Variants in MPRIP observed in about 807,000 individuals in gnomAD.
MPRIP encodes the protein myosin phosphatase Rho-interacting protein.
Under a neutral mutation model 234.9 loss-of-function variants are expected in MPRIP, and 59 were observed. The ratio of observed to expected loss-of-function variants is 0.25; its 90% CI spans 0.20 to 0.31. MPRIP has a LOEUF of 0.31. Ranked by LOEUF, MPRIP falls within the 10% of genes least tolerant of loss-of-function variation. MPRIP has a pLI of 1.00. For synonymous variants in MPRIP, 1,144 were observed against 1,263.9 expected, an observed-to-expected ratio of 0.91 and a Z score of 2.01; for missense variants, 2,436 against 3,071.0, an observed-to-expected ratio of 0.79 and a Z score of 4.89.
At position 17,150,199 on chromosome 17, in the gene MPRIP, A is replaced by G. The variant is rs747588114; in HGVS notation, c.1685A>G (p.Tyr562Cys). ...TCCGCATGTTACGATGTCACAGAGTATCCAGTTCAGAGAAACTATGGCTTC... is the reference window on the plus strand; with the variant it reads ...TCCGCATGTTACGATGTCACAGAGTGTCCAGTTCAGAGAAACTATGGCTTC... ...DLSACYDVTEYPVQRNYGFQI... is the reference protein window; with the variant it reads ...DLSACYDVTECPVQRNYGFQI... The change falls in exon 12 of 24, where the codon TAT becomes TGT. Residue 562 changes from tyrosine (Y) to cysteine (C), a missense_variant. Tyr to Cys is a radical substitution (Grantham distance 194, BLOSUM62 -2). Transcript: ENST00000651222. The G allele has an allele frequency of 6.2e-7, 1 of 1,613,798 alleles. No homozygotes were observed. The highest frequency in any genetic ancestry group is 8.5e-7 in the Non-Finnish European group (1 of 1,179,848).
intron 3 of MPRIP, among the ~76,000 whole-genome samples, chr17:17,125,810 A>C (rs1192361470): frequency 6.6e-6 from 1 of 152,134 alleles, no homozygotes; most frequent in Non-Finnish European, 1.5e-5. Flanking sequence ...GAGAACAAGG[A>C]AATGGTGGGC....
Position 17,049,954 on chromosome 17 carries a change from C to T in MPRIP, c.123+6983C>T, listed in dbSNP as rs1232239383. Among the ~76,000 whole-genome samples the T allele has an allele frequency of 5.3e-5, 8 of 152,144 alleles. No individual in the cohort carries two copies. In the East Asian group the frequency reaches 1.2e-3, roughly 22 times the overall value. On this transcript the variant is annotated intron_variant, in intron 1 of 23. Coordinates refer to ENST00000651222, the MANE Select transcript of MPRIP (RefSeq NM_001364716.4). ...CTGTAATTTCAGCACTTTGGGAGGC[C>T]GAGACGGGCGGATCACGAGGTCAGG...
intron 3 of MPRIP, among the ~76,000 whole-genome samples, chr17:17,122,393 A>G (rs1165174587): frequency 1.3e-5 from 2 of 152,142 alleles, no homozygotes; most frequent in Non-Finnish European, 2.9e-5. Flanking sequence ...TCGCTCCATC[A>G]CCCAGGCTGG....
In MPRIP at chr17:17,185,573, C is replaced by CTCCTTCCTTCCT. The variant is rs3833096; in HGVS notation, c.*692_*703dup. The CTCCTTCCTTCCT allele has an allele frequency of 6.6e-6, 3 of 455,268 alleles. No homozygotes were observed. Among genetic ancestry groups the CTCCTTCCTTCCT allele is most frequent in the South Asian group, 3.1e-5 (2 of 64,272 alleles). 28.2% of individuals were successfully genotyped at this position (455,268 alleles called of 1,614,324 possible). A position where few individuals can be genotyped will look rare whatever the true frequency, so the allele number is the denominator to read the frequency against. ...ATCTTGCACAAAATCCCCGGCCCCTCTCCTTCCTTCCTTCCTTCCTTCCTC... is the reference window on the plus strand; with the variant it reads ...ATCTTGCACAAAATCCCCGGCCCCTCTCCTTCCTTCCTTCCTTCCTTCCTTCCTTCCTTCCTC... On this transcript the variant is annotated 3_prime_UTR_variant, in exon 24 of 24. Transcript: ENST00000651222.
intron 23 of MPRIP, 82 bp from the exon 24 acceptor site, chr17:17,184,741 C>A: frequency 1.9e-6 from 2 of 1,029,772 alleles, no homozygotes; most frequent in East Asian, 2.5e-5. Flanking sequence ...GCTCCACCAG[C>A]GGTCCGGTCT....
chr17:17,130,311 C>T (rs2090570558), intron 4 of MPRIP, among the ~76,000 whole-genome samples: 1 of 151,952 alleles, frequency 6.6e-6, no homozygotes, highest in African/African-American at 2.4e-5. Context: ...TGTGACTGAC[C>T]CTTCCTTTGT....
At chr17:17,174,839 G>T (rs11652079) in intron 19 of MPRIP, among the ~76,000 whole-genome samples, 13,251 of 151,724 alleles carry the variant, frequency 0.087, 808 homozygotes, top group East Asian at 0.18. Flanking sequence ...TTAGTTAATT[G>T]GGGTGCATTT....
At position 17,190,087 on chromosome 17, in the gene MPRIP, T is replaced by C. The variant is rs1046984300; in HGVS notation, c.*5193T>C. 6.6e-6 allele frequency: 1 copy of C among 152,254 alleles called. No homozygotes were observed. The highest frequency in any genetic ancestry group is 6.5e-5 in the Admixed American group (1 of 15,286). The allele number at this position is 152,254 out of a possible 1,614,324, so 9.4% of individuals were successfully genotyped here. A position where few individuals can be genotyped will look rare whatever the true frequency, so the allele number is the denominator to read the frequency against. ...CAGCGCGAGCGTCTCCAGTAGGTAATAGCAGCTGAACGTGGGTTTTCCACG... is the reference window on the plus strand; with the variant it reads ...CAGCGCGAGCGTCTCCAGTAGGTAACAGCAGCTGAACGTGGGTTTTCCACG... On this transcript the variant is annotated 3_prime_UTR_variant, in exon 24 of 24. Coordinates refer to ENST00000651222, the MANE Select transcript of MPRIP (RefSeq NM_001364716.4).
chr17:17,065,422 C>G (rs1385479965), intron 1 of MPRIP, among the ~76,000 whole-genome samples: 1 of 138,228 alleles, frequency 7.2e-6, no homozygotes, highest in Admixed American at 7.6e-5. Context: ...AAGGGTCACT[C>G]TAGCACCATT....
In MPRIP at chr17:17,096,945, A is replaced by T. The variant is rs114126472; in HGVS notation, c.267+18869A>T. 791 of 392,290 alleles carry T rather than the reference A, an allele frequency of 2.0e-3. 5 individuals are homozygous for T. Among genetic ancestry groups the T allele is most frequent in the African/African-American group, 0.015 (735 of 47,818 alleles). 24.3% of individuals were successfully genotyped at this position (392,290 alleles called of 1,614,324 possible). On this transcript the variant is annotated intron_variant, in intron 3 of 23. Coordinates refer to ENST00000651222, the MANE Select transcript of MPRIP (RefSeq NM_001364716.4). Reference sequence around the variant, plus strand: ...TGCTGGGAAGACCAAGGGGCCAGCCATCGCAGGGAGCATAAGCACTGAGAC... The same window carrying T: ...TGCTGGGAAGACCAAGGGGCCAGCCTTCGCAGGGAGCATAAGCACTGAGAC...
chr17:17,104,395 T>G (rs1000748854), intron 3 of MPRIP, among the ~76,000 whole-genome samples: 9 of 152,168 alleles, frequency 5.9e-5, no homozygotes, highest in African/African-American at 2.2e-4. Context: ...ACTAACAGAA[T>G]TCATTGTCCC....
At chr17:17,115,489 C>T (rs1004519218) in intron 3 of MPRIP, among the ~76,000 whole-genome samples, 6 of 152,228 alleles carry the variant, frequency 3.9e-5, no homozygotes, top group Non-Finnish European at 5.9e-5. Context: ...GTTGGAAGGC[C>T]TGGCCTGCTT....
chr17:17,120,316 C>T (rs1334958728), intron 3 of MPRIP, among the ~76,000 whole-genome samples: 1 of 152,138 alleles, frequency 6.6e-6, no homozygotes, highest in Admixed American at 6.5e-5. Flanking sequence ...AAAAGTGCTT[C>T]TGCTTGGGCC....
chr17:17,174,706 G>A (rs1360784068), intron 19 of MPRIP, among the ~76,000 whole-genome samples: 1 of 151,940 alleles, frequency 6.6e-6, no homozygotes, highest in Non-Finnish European at 1.5e-5. Context: ...GTGGTGGTGG[G>A]CGCCTATAGT....
rs576382919 is a variant in MPRIP, at chr17:17,181,278, G to A, written c.7206+1190G>A. On this transcript the variant is annotated intron_variant, in intron 23 of 23. Coordinates refer to ENST00000651222, the MANE Select transcript of MPRIP (RefSeq NM_001364716.4). Reference sequence around the variant, plus strand: ...GAGAGGAGGTGGGGGAGGGCCCATGGTGGGAGACACCCTGAGAATGAGTAG... The same window carrying A: ...GAGAGGAGGTGGGGGAGGGCCCATGATGGGAGACACCCTGAGAATGAGTAG... 5.9e-5 allele frequency among the ~76,000 whole-genome samples: 9 copies of A among 152,290 alleles called. No homozygotes were observed. The East Asian group carries it at 1.5e-3, about 26-fold the overall frequency.
At chr17:17,172,208 G>T (rs1321323783) in intron 17 of MPRIP, among the ~76,000 whole-genome samples, 1 of 152,226 alleles carries the variant, frequency 6.6e-6, no homozygotes, top group Non-Finnish European at 1.5e-5. Context: ...GTCAACGTGG[G>T]ACCACCTCTG....
chr17:17,050,399 C>T (rs1465754720), intron 1 of MPRIP, among the ~76,000 whole-genome samples: 1 of 151,976 alleles, frequency 6.6e-6, no homozygotes, highest in Admixed American at 6.6e-5. Context: ...TGTCATTACA[C>T]CATGCAAAAA....
rs1046021549 is a variant in MPRIP, at chr17:17,188,419, G to C, written c.*3525G>C. 5 of 151,822 alleles carry C rather than the reference G, an allele frequency of 3.3e-5. No homozygotes were observed. The highest frequency in any genetic ancestry group is 1.2e-4 in the African/African-American group (5 of 40,984). The allele number at this position is 151,822 out of a possible 1,614,324, so 9.4% of individuals were successfully genotyped here. ...AGAGCATGGAGAGCAAGGCCCCACA[G>C]CCTGCTTAGTGAGTTGGAAGGCCCA... On this transcript the variant is annotated 3_prime_UTR_variant, in exon 24 of 24. Coordinates refer to ENST00000651222, the MANE Select transcript of MPRIP (RefSeq NM_001364716.4).
intron 1 of MPRIP, among the ~76,000 whole-genome samples, chr17:17,051,650 C>T (rs2088544242): frequency 6.6e-6 from 1 of 152,254 alleles, no homozygotes; most frequent in Non-Finnish European, 1.5e-5. Flanking sequence ...GGCAGTCTTA[C>T]AGCTGCTCTG....
Sources: gnomAD v4.1 joint callset for allele counts (sites outside exome capture counted in the v4.1 genomes callset) on GRCh38, gnomAD v4.1.1 for gene constraint, MANE v1.5 for transcripts, NCBI Gene and HGNC (gene_info 2026-07-23, HGNC 2026-07-21) for gene names.